Variants in OPCML observed in about 807,000 individuals in gnomAD.
OPCML encodes the protein opioid-binding protein/cell adhesion molecule.
OPCML carries 13 observed loss-of-function variants against 37.8 expected under a neutral mutation model. The ratio of observed to expected loss-of-function variants is 0.34; its 90% CI spans 0.22 to 0.55. The LOEUF (loss-of-function observed/expected upper bound fraction) is 0.55. Among genes scored for constraint, OPCML ranks in the 20% least tolerant of loss-of-function variants. OPCML has a pLI of 0.91. For synonymous variants in OPCML, 176 were observed against 168.8 expected, an observed-to-expected ratio of 1.04 and a Z score of -0.33; for missense variants, 341 against 435.6, an observed-to-expected ratio of 0.78 and a Z score of 1.93.
At chr11:133,528,419 C>T (rs931194803) in intron 1 of OPCML, among the ~76,000 whole-genome samples, 9 of 152,212 alleles carry the variant, frequency 5.9e-5, no homozygotes, top group Non-Finnish European at 8.8e-5. Flanking sequence ...CTTAGTGAGT[C>T]TGGCGCGTGG....
At chr11:133,151,896 C>T (rs1383946349) in intron 1 of OPCML, among the ~76,000 whole-genome samples, 1 of 152,196 alleles carries the variant, frequency 6.6e-6, no homozygotes, top group East Asian at 1.9e-4. Context: ...ATTCAAGACA[C>T]CTGGGACTCC....
intron 1 of OPCML, among the ~76,000 whole-genome samples, chr11:133,463,113 C>A: frequency 9.8e-6 from 1 of 102,056 alleles, no homozygotes; most frequent in African/African-American, 4.9e-5. Context: ...TTCATGACAT[C>A]AGGCTCAAAA....
At chr11:133,083,809 A>C (rs376030085) in intron 1 of OPCML, among the ~76,000 whole-genome samples, 1 of 152,232 alleles carries the variant, frequency 6.6e-6, no homozygotes, top group African/African-American at 2.4e-5. Context: ...GAGGACAGGA[A>C]GGATTCGCTG....
At position 133,283,754 on chromosome 11, in the gene OPCML, G is replaced by A. The variant is rs183315216; in HGVS notation, c.61+248510C>T. Among the ~76,000 whole-genome samples the A allele has an allele frequency of 6.1e-4, 93 of 152,230 alleles. 1 individual carries two copies. Among genetic ancestry groups the A allele is most frequent in the Non-Finnish European group, 1.2e-3 (79 of 68,020 alleles). ...AATAGAAGTTGGGGGAATAGGCCCC[G>A]GTATATGAGGTTCATTTTGCTGGAG... On this transcript the variant is annotated intron_variant, in intron 1 of 7. Transcript: ENST00000524381.
intron 1 of OPCML, among the ~76,000 whole-genome samples, chr11:133,504,610 C>T (rs913769234): frequency 2.6e-5 from 4 of 152,158 alleles, no homozygotes; most frequent in African/African-American, 9.7e-5. Context: ...GCCACGGGAG[C>T]CCCCAGCTTT....
chr11:133,108,612 T>C (rs557848909), intron 1 of OPCML, among the ~76,000 whole-genome samples: 10 of 151,982 alleles, frequency 6.6e-5, no homozygotes, highest in Admixed American at 3.9e-4. Flanking sequence ...CACACACACA[T>C]ATATGGCTAT....
At chr11:133,080,006 A>G (rs999964389) in intron 1 of OPCML, among the ~76,000 whole-genome samples, 9 of 152,202 alleles carry the variant, frequency 5.9e-5, no homozygotes, top group Non-Finnish European at 1.0e-4. Flanking sequence ...CAACATAAGG[A>G]GGAGCATTTT....
At chr11:132,786,883 A>G (rs1167022088) in intron 2 of OPCML, among the ~76,000 whole-genome samples, 1 of 152,166 alleles carries the variant, frequency 6.6e-6, no homozygotes, top group Non-Finnish European at 1.5e-5. Flanking sequence ...CAGGGTGTAC[A>G]GGAGGCTGGG....
intron 1 of OPCML, among the ~76,000 whole-genome samples, chr11:133,158,137 T>G (rs1267250475): frequency 6.6e-6 from 1 of 152,194 alleles, no homozygotes; most frequent in Non-Finnish European, 1.5e-5. Context: ...TTGGCTCTAT[T>G]TGGGGCTTTA....
chr11:132,712,837 C>T (rs1944322459), intron 2 of OPCML, among the ~76,000 whole-genome samples: 1 of 151,778 alleles, frequency 6.6e-6, no homozygotes, highest in Admixed American at 6.5e-5. Flanking sequence ...ATGCAGTTTA[C>T]AAAGAAAGAA....
intron 1 of OPCML, chr11:133,298,985 A>T (rs1459183538): frequency 6.6e-6 from 1 of 151,988 alleles, no homozygotes; most frequent in Admixed American, 6.5e-5. Context: ...GACCCAGATC[A>T]GCAGGAAAAA....
At chr11:132,529,656 G>T (rs971419966) in intron 3 of OPCML, among the ~76,000 whole-genome samples, 5 of 152,110 alleles carry the variant, frequency 3.3e-5, no homozygotes, top group African/African-American at 7.2e-5. Flanking sequence ...GAGTATCCCA[G>T]ACCCTTTTAA....
intron 2 of OPCML, among the ~76,000 whole-genome samples, chr11:132,925,876 C>T (rs1292319034): frequency 5.9e-5 from 9 of 152,312 alleles, no homozygotes; most frequent in Admixed American, 5.2e-4. Context: ...GTAGAAGTCT[C>T]TGTCCATGAC....
intron 2 of OPCML, among the ~76,000 whole-genome samples, chr11:132,768,796 C>T (rs944724269): frequency 1.3e-5 from 2 of 152,158 alleles, no homozygotes; most frequent in Non-Finnish European, 2.9e-5. Flanking sequence ...GAGACCCGGG[C>T]TCCCCAGGTG....
intron 1 of OPCML, among the ~76,000 whole-genome samples, chr11:133,446,062 A>T (rs1946468132): frequency 6.6e-6 from 1 of 152,214 alleles, no homozygotes; most frequent in Admixed American, 6.5e-5. Context: ...AAACTTTAGA[A>T]GTATGTTCTG....
chr11:132,865,737 G>T (rs1298781661), intron 2 of OPCML, among the ~76,000 whole-genome samples: 3 of 152,184 alleles, frequency 2.0e-5, no homozygotes, highest in African/African-American at 7.2e-5. Context: ...CTGTCATGAC[G>T]ATGCAGCTCC....
intron 1 of OPCML, among the ~76,000 whole-genome samples, chr11:133,433,169 G>A (rs1217579247): frequency 2.7e-5 from 4 of 149,520 alleles, no homozygotes; most frequent in Non-Finnish European, 2.9e-5. Context: ...GGAGAATGGC[G>A]TGAACCCGGG....
At chr11:132,536,886 T>A (rs746316840) in intron 3 of OPCML, among the ~76,000 whole-genome samples, 2 of 152,234 alleles carry the variant, frequency 1.3e-5, no homozygotes, top group Non-Finnish European at 2.9e-5. Flanking sequence ...ATTTTTCTAA[T>A]CATTTAATGT....
intron 3 of OPCML, among the ~76,000 whole-genome samples, chr11:132,616,306 G>C (rs2137882916): frequency 6.6e-6 from 1 of 152,274 alleles, no homozygotes; most frequent in South Asian, 2.1e-4. Flanking sequence ...TGCACACACT[G>C]TTAGTAAAAT....
Sources: gnomAD v4.1 joint callset for allele counts (sites outside exome capture counted in the v4.1 genomes callset) on GRCh38, gnomAD v4.1.1 for gene constraint, MANE v1.5 for transcripts, NCBI Gene and HGNC (gene_info 2026-07-23, HGNC 2026-07-21) for gene names.